DCHS2: variants seen among roughly 807,000 people sequenced by gnomAD.
DCHS2 encodes protocadherin-23.
In DCHS2, 142 loss-of-function variants were observed where a neutral mutation model predicts 182.4. The ratio of observed to expected loss-of-function variants is 0.78; its 90% CI spans 0.68 to 0.89. The LOEUF (loss-of-function observed/expected upper bound fraction) is 0.89. Among genes scored for constraint, DCHS2 ranks in the 40% least tolerant of loss-of-function variants. The probability of loss-of-function intolerance (pLI) is 0.00; values close to 1 mark genes in which losing one functional copy is unlikely to be tolerated. For missense variants in DCHS2, 4,319 were observed against 4,198.6 expected, an observed-to-expected ratio of 1.03 and a Z score of -0.79; for synonymous variants, 1,740 against 1,663.3, an observed-to-expected ratio of 1.05 and a Z score of -1.12.
At chr4:154,431,301 A>G (rs575554952) in intron 1 of DCHS2, among the ~76,000 whole-genome samples, 2 of 152,312 alleles carry the variant, frequency 1.3e-5, no homozygotes, top group South Asian at 4.1e-4. Flanking sequence ...GGCAGTGTGT[A>G]TGACTTAAAG....
chr4:154,421,610 G>A (rs1733115471), intron 1 of DCHS2, among the ~76,000 whole-genome samples: 1 of 152,140 alleles, frequency 6.6e-6, no homozygotes, highest in African/African-American at 2.4e-5. Context: ...GGCCAGGCTG[G>A]TCTCGAACTC....
chr4:154,395,867 G>T (rs1489781836), intron 1 of DCHS2, among the ~76,000 whole-genome samples: 2 of 152,182 alleles, frequency 1.3e-5, no homozygotes, highest in Non-Finnish European at 1.5e-5. Flanking sequence ...GAAGAGGGAA[G>T]AAAACATAAG....
intron 16 of DCHS2, 34 bp from the exon 17 acceptor site, chr4:154,242,806 A>C: frequency 6.3e-7 from 1 of 1,578,882 alleles, no homozygotes; most frequent in Non-Finnish European, 8.6e-7. Context: ...AATGTGATTC[A>C]TCATCCAGGA....
intron 1 of DCHS2, among the ~76,000 whole-genome samples, chr4:154,463,693 T>TCG (rs1491334625): frequency 2.7e-3 from 9 of 3,356 alleles, no homozygotes; most frequent in African/African-American, 3.0e-3. Flanking sequence ...TTCTCTCTTT[T>TCG]CTCTCTCTCT....
At chr4:154,310,079 C>G (rs1331657705) in intron 10 of DCHS2, among the ~76,000 whole-genome samples, 1 of 152,166 alleles carries the variant, frequency 6.6e-6, no homozygotes, top group East Asian at 1.9e-4. Flanking sequence ...AAGGAGATGA[C>G]TATTCATGTA....
intron 7 of DCHS2, chr4:154,322,808 T>C (rs1402331533): frequency 3.8e-6 from 1 of 259,948 alleles, no homozygotes; most frequent in African/African-American, 2.2e-5. Context: ...CCCATTTTTT[T>C]TGAAGTAAGT....
intron 1 of DCHS2, among the ~76,000 whole-genome samples, chr4:154,437,074 A>C (rs1442599636): frequency 6.6e-6 from 1 of 152,182 alleles, no homozygotes. Flanking sequence ...GTGCTGATTT[A>C]GTTCCTGCAT....
chr4:154,323,452 C>G (rs1296303543), intron 7 of DCHS2: 40 of 1,378,676 alleles, frequency 2.9e-5, no homozygotes, highest in Non-Finnish European at 3.6e-5. Context: ...ACCTTGGCCT[C>G]CCAGATAGCT....
intron 13 of DCHS2, among the ~76,000 whole-genome samples, chr4:154,293,034 T>C (rs917289909): frequency 6.6e-6 from 1 of 152,232 alleles, no homozygotes; most frequent in African/African-American, 2.4e-5. Context: ...GATCAACTCC[T>C]GTAAAATATT....
chr4:154,280,807 A>G (rs1734096146), intron 13 of DCHS2, among the ~76,000 whole-genome samples: 1 of 151,604 alleles, frequency 6.6e-6, no homozygotes, highest in Non-Finnish European at 1.5e-5. Context: ...AAGATAAGGA[A>G]CAAGACAAGA....
intron 17 of DCHS2, 23 bp downstream of exon 17, chr4:154,242,619 C>T (rs1201768883): frequency 1.2e-6 from 2 of 1,604,720 alleles, no homozygotes; most frequent in Admixed American, 3.4e-5. Flanking sequence ...ATCAAAACCA[C>T]TATGCCAAAT....
rs199812310 is a variant in DCHS2 at position 154,235,042 on chromosome 4, A to G, written c.9610T>C (p.Ser3204Pro). ...TCCTGATCACCTGAAATAAAGACAGACTCTTTTCTAACGTCAGCCAGGATG... is the reference window on the plus strand; with the variant it reads ...TCCTGATCACCTGAAATAAAGACAGGCTCTTTTCTAACGTCAGCCAGGATG... ...ESILADVRKE[S>P]VFISGDQEVR... The change falls in exon 20 of 20, where the codon TCT becomes CCT. Residue 3204 changes from serine to proline, a missense_variant. By Grantham distance (74) the Ser-to-Pro change is moderately conservative. Transcript: ENST00000357232. The G allele has an allele frequency of 6.2e-7, 1 of 1,613,710 alleles. No individual in the cohort carries two copies. The highest frequency in any genetic ancestry group is 2.2e-5 in the East Asian group (1 of 44,798).
chr4:154,315,708 TTTAAGCA>T (rs1735825709), intron 10 of DCHS2, 33 bp downstream of exon 10: 2 of 1,593,434 alleles, frequency 1.3e-6, no homozygotes, highest in Admixed American at 3.5e-5. Flanking sequence ...TTCAATTTCT[TTTAAGCA>T]TTAAATACCC....
At chr4:154,372,229 G>T (rs1730678462) in intron 2 of DCHS2, among the ~76,000 whole-genome samples, 1 of 152,138 alleles carries the variant, frequency 6.6e-6, no homozygotes, top group Non-Finnish European at 1.5e-5. Context: ...TCCTAGAACA[G>T]GTGGAGGGTG....
rs78228712 is a variant in DCHS2, at chr4:154,448,914, C to T, written c.2052+40390G>A. ...TTGCCATATGCCATTCTTTGTAGCA[C>T]TTACTGATATTTAAATGCAACTTCC... On this transcript the variant is annotated intron_variant, in intron 1 of 19. Transcript: ENST00000357232. Among the ~76,000 whole-genome samples, 687 of 152,284 alleles carry T rather than the reference C, an allele frequency of 4.5e-3. 5 individuals are homozygous for T. The highest frequency in any genetic ancestry group is 6.5e-3 in the Non-Finnish European group (441 of 68,032).
chr4:154,267,211 T>C (rs1317179413), intron 14 of DCHS2, among the ~76,000 whole-genome samples: 1 of 152,228 alleles, frequency 6.6e-6, no homozygotes, highest in African/African-American at 2.4e-5. Flanking sequence ...AATTAGTGGC[T>C]GATCAAATAC....
intron 13 of DCHS2, among the ~76,000 whole-genome samples, chr4:154,273,159 C>T (rs560544097): frequency 3.3e-5 from 5 of 152,016 alleles, no homozygotes; most frequent in Non-Finnish European, 7.4e-5. Context: ...GTGTTTAGGG[C>T]AGCACAATTC....
intron 16 of DCHS2, among the ~76,000 whole-genome samples, chr4:154,243,039 G>A (rs535477943): frequency 1.3e-4 from 20 of 152,192 alleles, no homozygotes; most frequent in African/African-American, 4.8e-4. Context: ...CCATTTCGGA[G>A]AGCCAGACTG....
At chr4:154,463,919 C>A (rs1199853273) in intron 1 of DCHS2, among the ~76,000 whole-genome samples, 1 of 152,012 alleles carries the variant, frequency 6.6e-6, no homozygotes, top group Non-Finnish European at 1.5e-5. Context: ...AAATAAAAAC[C>A]ATCAATAGTG....
Sources: gnomAD v4.1 joint callset for allele counts (sites outside exome capture counted in the v4.1 genomes callset) on GRCh38, gnomAD v4.1.1 for gene constraint, MANE v1.5 for transcripts, NCBI Gene and HGNC (gene_info 2026-07-23, HGNC 2026-07-21) for gene names.